FER1L5: variants seen among roughly 807,000 people sequenced by gnomAD.
FER1L5 encodes the protein fer-1-like protein 5.
FER1L5 carries 187 observed loss-of-function variants against 279.9 expected under a neutral mutation model. That is an observed-to-expected ratio of 0.67 (90% CI 0.59 to 0.75). FER1L5 has a LOEUF of 0.75. FER1L5 is among the 30% of genes least tolerant of loss of function. The pLI is 0.00. For synonymous variants in FER1L5, 921 were observed against 989.7 expected (o/e 0.93, Z 1.30); for missense variants, 2,091 against 2,594.4 (o/e 0.81, Z 4.21).
chr2:96,673,673 T>A (rs907159450), intron 19 of FER1L5, among the ~76,000 whole-genome samples: 3 of 148,558 alleles, frequency 2.0e-5, no homozygotes, highest in African/African-American at 4.9e-5. Flanking sequence ...CATTCACTCA[T>A]CCAATATATA....
At chr2:96,704,007 G>A (rs1317709737) in intron 51 of FER1L5, among the ~76,000 whole-genome samples, 3 of 151,888 alleles carry the variant, frequency 2.0e-5, no homozygotes, top group Admixed American at 6.6e-5. Context: ...GTAGAGACGC[G>A]GTTTCACCAT....
rs2074940079 is a variant in FER1L5, at chr2:96,642,806, A to G, written c.-31A>G. ...CAAAAAGGAAGCTGTGGCGCTGCGT[A>G]GGGAAGGAGGGAAGAAAGTAGGTCT... On this transcript the variant is annotated 5_prime_UTR_variant, in exon 1 of 53. Transcript: ENST00000624922. 6 of 1,547,804 alleles carry G rather than the reference A, an allele frequency of 3.9e-6. No homozygotes were observed. The highest frequency in any genetic ancestry group is 3.5e-6 in the Non-Finnish European group (4 of 1,145,024).
At position 96,668,912 on chromosome 2, in the gene FER1L5, T is replaced by C. The variant is rs781590290; in HGVS notation, c.1211T>C (p.Ile404Thr). Reference sequence around the variant, plus strand: ...CGCAAGAAGGACTGCCCGGATGAGATTGGGACTGCCAGCCTGTCCCTCAAC... The same window carrying C: ...CGCAAGAAGGACTGCCCGGATGAGACTGGGACTGCCAGCCTGTCCCTCAAC... The part of the protein sequence containing the change: ...DCRKKDCPDE[I>T]GTASLSLNQI... The change falls in exon 16 of 53, where the codon ATT (isoleucine) becomes ACT (threonine). Residue 404 changes from isoleucine (I) to threonine (T), a missense_variant. Ile to Thr is a moderately conservative substitution (Grantham distance 89). Transcript: ENST00000624922. The C allele has an allele frequency of 3.9e-6, 6 of 1,551,540 alleles. No individual in the cohort carries two copies. Among genetic ancestry groups the C allele is most frequent in the South Asian group, 2.4e-5 (2 of 84,046 alleles).
chr2:96,687,016 T>A (rs1435746255), intron 23 of FER1L5, among the ~76,000 whole-genome samples: 5 of 152,124 alleles, frequency 3.3e-5, no homozygotes, highest in Admixed American at 3.3e-4. Flanking sequence ...GCCCATCATA[T>A]CAGATGCAAG....
chr2:96,651,997 G>A lies in FER1L5; in HGVS notation c.610G>A (p.Gly204Arg). 2.6e-6 allele frequency: 4 copies of A among 1,551,764 alleles called. No homozygotes were observed. The highest frequency in any genetic ancestry group is 3.5e-6 in the Non-Finnish European group (4 of 1,147,008). The change falls in exon 7 of 53, where the codon GGA becomes AGA. Residue 204 changes from glycine (G) to arginine (R), a missense_variant. Coordinates refer to ENST00000624922, the MANE Select transcript of FER1L5 (RefSeq NM_001293083.2). ...GCAGCACCAGACACGCATCAAGATGGGAAACAACCCTTTCTTTAATGAGGT... is the reference window on the plus strand; with the variant it reads ...GCAGCACCAGACACGCATCAAGATGAGAAACAACCCTTTCTTTAATGAGGT... Reference protein sequence around the residue: ...GQQHQTRIKMGNNPFFNEIFF... With the variant: ...GQQHQTRIKMRNNPFFNEIFF...
intron 31 of FER1L5, among the ~76,000 whole-genome samples, chr2:96,692,394 C>T (rs567580037): frequency 5.3e-5 from 8 of 152,194 alleles, no homozygotes; most frequent in Non-Finnish European, 1.0e-4. Flanking sequence ...GTGACAAAGA[C>T]GCAGACCCCT....
intron 20 of FER1L5, 131 bp downstream of exon 20, chr2:96,684,582 G>C: frequency 7.5e-7 from 1 of 1,331,178 alleles, no homozygotes; most frequent in Non-Finnish European, 1.0e-6. Context: ...ACACTGTTGA[G>C]AAGAATGTGC....
At chr2:96,687,754 G>T (rs1383399898) in intron 23 of FER1L5, 62 bp from the exon 24 acceptor site, 1 of 1,538,952 alleles carries the variant, frequency 6.5e-7, no homozygotes, top group Non-Finnish European at 8.8e-7. Context: ...CACTTGGGGG[G>T]TGGCCGGGGT....
chr2:96,683,621 G>A (rs1052867851), intron 19 of FER1L5, among the ~76,000 whole-genome samples: 1 of 151,922 alleles, frequency 6.6e-6, no homozygotes, highest in African/African-American at 2.4e-5. Context: ...CTGCCCACCT[G>A]GTCAGCCCTA....
intron 26 of FER1L5, among the ~76,000 whole-genome samples, chr2:96,690,230 G>A (rs2077089245): frequency 6.6e-6 from 1 of 152,200 alleles, no homozygotes; most frequent in African/African-American, 2.4e-5. Context: ...ATTGGGTAGT[G>A]TGGGTTTAAC....
At position 96,691,486 on chromosome 2, in the gene FER1L5, C is replaced by T. The variant is rs1014736417; in HGVS notation, c.2949C>T (p.Thr983=). ...KGEEEGWEYD[T]FGSKFHLNPQ... ...AGGAGGAGGGCTGGGAGTATGACACCTTCGGCTCCAAGTTCCACCTCAACC... is the reference window on the plus strand; with the variant it reads ...AGGAGGAGGGCTGGGAGTATGACACTTTCGGCTCCAAGTTCCACCTCAACC... Residue 983 remains threonine (T), a synonymous_variant, in exon 29 of 53, where the codon ACC becomes ACT. Transcript: ENST00000624922. The surrounding 1 kb of genome is among the most constrained non-coding windows in gnomAD (Gnocchi z 6.0). The T allele has an allele frequency of 6.5e-7, 1 of 1,549,254 alleles. No individual in the cohort carries two copies. The highest frequency in any genetic ancestry group is 8.7e-7 in the Non-Finnish European group (1 of 1,146,074).
At chr2:96,670,373 C>T in intron 18 of FER1L5, 126 bp downstream of exon 18, 1 of 1,235,240 alleles carries the variant, frequency 8.1e-7, no homozygotes. Context: ...TGTAAGGATG[C>T]CTGATCAATC....
intron 14 of FER1L5, among the ~76,000 whole-genome samples, chr2:96,667,728 C>T (rs2076175903): frequency 1.3e-5 from 2 of 152,186 alleles, no homozygotes; most frequent in Admixed American, 6.5e-5. Flanking sequence ...TCTAGGCCCA[C>T]GGCCTCTCCA....
In FER1L5 at chr2:96,673,156, T is replaced by C; in HGVS notation, c.1571T>C (p.Ile524Thr). Residue 524 changes from isoleucine to threonine, a missense_variant, in exon 19 of 53, where the codon ATC (isoleucine) becomes ACC (threonine). Physicochemically the swap from Ile to Thr is moderately conservative, Grantham distance 89. Transcript: ENST00000624922. ...CTMMPNFKEL[I>T]HFEVSIGHYG... ...ATGATGCCCAACTTTAAAGAGCTGA[T>C]CCATTTCGAGGTCAGCATCGGTCAC... 1 of 1,551,520 alleles carries C rather than the reference T, an allele frequency of 6.4e-7. No homozygotes were observed. Among genetic ancestry groups the C allele is most frequent in the Non-Finnish European group, 8.7e-7 (1 of 1,146,956 alleles).
chr2:96,677,100 C>T (rs1038248008), intron 19 of FER1L5, among the ~76,000 whole-genome samples: 3 of 152,370 alleles, frequency 2.0e-5, no homozygotes, highest in South Asian at 2.1e-4. Context: ...CCTCAGCTTC[C>T]TAAAGTGCTG....
chr2:96,690,862 C>A (rs1018809841), intron 27 of FER1L5, among the ~76,000 whole-genome samples: 2 of 152,216 alleles, frequency 1.3e-5, no homozygotes, highest in Non-Finnish European at 2.9e-5. Flanking sequence ...GCTGAATTCA[C>A]CCACAGCAGC....
At chr2:96,650,347 G>A (rs2106439131) in intron 6 of FER1L5, 58 bp downstream of exon 6, 1 of 1,428,522 alleles carries the variant, frequency 7.0e-7, no homozygotes, top group Admixed American at 2.0e-5. Flanking sequence ...TGTTTGCTGT[G>A]TTCCCAGGCC....
intron 45 of FER1L5, 83 bp from the exon 46 acceptor site, chr2:96,701,872 G>A (rs914560733): frequency 3.6e-6 from 5 of 1,383,554 alleles, no homozygotes; most frequent in Non-Finnish European, 4.1e-6. Flanking sequence ...ACAGACCTCA[G>A]AACCTGGGAC....
chr2:96,675,515 C>A (rs1191536994), intron 19 of FER1L5, among the ~76,000 whole-genome samples: 2 of 152,304 alleles, frequency 1.3e-5, no homozygotes, highest in East Asian at 3.9e-4. Flanking sequence ...CAACCTCTAC[C>A]TCCCAGGTTC....
Sources: gnomAD v4.1 joint callset for allele counts (sites outside exome capture counted in the v4.1 genomes callset) on GRCh38, gnomAD v4.1.1 for gene constraint, Gnocchi (gnomAD v3.1) non-coding constraint, MANE v1.5 for transcripts, NCBI Gene and HGNC (gene_info 2026-07-23, HGNC 2026-07-21) for gene names.